Variants in DPP10 observed in about 807,000 individuals in gnomAD.
DPP10 encodes dipeptidyl peptidase like 10.
A neutral mutation model predicts 120.9 loss-of-function variants in DPP10; 33 were observed. That is an observed-to-expected ratio of 0.27 (90% CI 0.21 to 0.37). The LOEUF (loss-of-function observed/expected upper bound fraction) is 0.37, where lower values mean the gene tolerates loss of function less well. Among genes scored for constraint, DPP10 ranks in the 10% least tolerant of loss-of-function variants. DPP10 has a pLI of 1.00. For synonymous variants in DPP10, 337 were observed against 326.1 expected (o/e 1.03, Z -0.36); for missense variants, 816 against 942.8 (o/e 0.87, Z 1.76).
At chr2:115,208,709 G>A (rs2056318113) in intron 1 of DPP10, among the ~76,000 whole-genome samples, 1 of 152,090 alleles carries the variant, frequency 6.6e-6, no homozygotes, top group African/African-American at 2.4e-5. Flanking sequence ...TGGTGTTGGA[G>A]AAATGGACAA....
intron 5 of DPP10, among the ~76,000 whole-genome samples, chr2:115,670,489 C>G (rs570269603): frequency 1.9e-4 from 29 of 152,096 alleles, no homozygotes; most frequent in African/African-American, 7.0e-4. Flanking sequence ...AGCTTTTTAT[C>G]TTAGGTTCAG....
intron 1 of DPP10, among the ~76,000 whole-genome samples, chr2:114,598,959 T>C (rs1692146889): frequency 6.6e-6 from 1 of 151,898 alleles, no homozygotes; most frequent in Admixed American, 6.6e-5. Context: ...GATAAGAGAA[T>C]GGAAGCCAAT....
intron 1 of DPP10, among the ~76,000 whole-genome samples, chr2:114,646,151 C>G (rs1696108607): frequency 6.9e-6 from 1 of 145,336 alleles, no homozygotes; most frequent in African/African-American, 2.7e-5. Flanking sequence ...CAGAGCAAGC[C>G]TCAGTCTCAA....
chr2:114,513,634 A>AGAAG lies in DPP10; in HGVS notation c.60+70799_60+70800insGGAA, dbSNP rs534908866. ...GAAGGAAGGGAGGAAAAAGAAAGAA[A>AGAAG]GAAAGAAAGAAAGAAGAAACAGACA... On this transcript the variant is annotated intron_variant, in intron 1 of 25. Coordinates refer to ENST00000410059, the MANE Select transcript of DPP10 (RefSeq NM_020868.6). Among the ~76,000 whole-genome samples, 393 of 152,104 alleles carry AGAAG rather than the reference A, an allele frequency of 2.6e-3. 10 individuals are homozygous for AGAAG. Among genetic ancestry groups the AGAAG allele is most frequent in the Admixed American group, 0.023 (353 of 15,276 alleles).
intron 1 of DPP10, among the ~76,000 whole-genome samples, chr2:114,918,016 A>T (rs1389477290): frequency 2.0e-5 from 3 of 152,208 alleles, no homozygotes; most frequent in African/African-American, 4.8e-5. Flanking sequence ...CAGCATAAAC[A>T]ATCTACAGAA....
intron 5 of DPP10, among the ~76,000 whole-genome samples, chr2:115,648,724 G>A (rs187340471): frequency 1.3e-5 from 2 of 152,250 alleles, no homozygotes; most frequent in East Asian, 3.9e-4. Context: ...TCCCAAGGGA[G>A]GAAGGATAGG....
In DPP10 at chr2:114,481,512, CTT is replaced by C. The variant is rs1370166821; in HGVS notation, c.60+38676_60+38677del. On this transcript the variant is annotated intron_variant, in intron 1 of 25. Transcript: ENST00000410059. The stretch of plus-strand genomic sequence containing the variant: ...CCACCATATAACTAGCAATTGTACT[CTT>C]TGGCATTTATCCCAGAGAAATCAAA... Among the ~76,000 whole-genome samples the C allele has an allele frequency of 2.6e-5, 4 of 152,220 alleles. No homozygotes were observed. In the East Asian group the frequency reaches 5.8e-4, roughly 22 times the overall value.
At chr2:115,133,139 G>GTATA (rs2050450036) in intron 1 of DPP10, among the ~76,000 whole-genome samples, 2 of 67,290 alleles carry the variant, frequency 3.0e-5, no homozygotes, top group East Asian at 3.0e-4. Context: ...GTGTGTGTGT[G>GTATA]TGTGTGTATA....
At position 115,780,868 on chromosome 2, in the gene DPP10, C is replaced by T. The variant is rs765380131; in HGVS notation, c.1362-6C>T. ...TTCTATAATAACTTCCTTTTTCTTT[C>T]TCCAGTGCTTCTACTGAAGGATTAT... On this transcript the variant is annotated splice_polypyrimidine_tract_variant and splice_region_variant and intron_variant, in intron 15 of 25. Coordinates refer to ENST00000410059, the MANE Select transcript of DPP10 (RefSeq NM_020868.6). 4 of 1,596,114 alleles carry T rather than the reference C, an allele frequency of 2.5e-6. No individual in the cohort carries two copies. Among genetic ancestry groups the T allele is most frequent in the Non-Finnish European group, 2.6e-6 (3 of 1,169,914 alleles).
intron 1 of DPP10, among the ~76,000 whole-genome samples, chr2:114,802,259 G>A (rs557317138): frequency 2.0e-5 from 3 of 152,128 alleles, no homozygotes; most frequent in South Asian, 4.1e-4. Flanking sequence ...TAATGAGAGG[G>A]CAGGTATAAA....
chr2:115,256,594 T>C (rs2059009604), intron 1 of DPP10, among the ~76,000 whole-genome samples: 1 of 152,110 alleles, frequency 6.6e-6, no homozygotes, highest in Non-Finnish European at 1.5e-5. Context: ...GGCCAAAGGG[T>C]CTTTGATGGG....
At chr2:114,618,761 A>G (rs1693861824) in intron 1 of DPP10, among the ~76,000 whole-genome samples, 1 of 152,058 alleles carries the variant, frequency 6.6e-6, no homozygotes, top group African/African-American at 2.4e-5. Context: ...GAAGGGCATT[A>G]GGTAAATTTA....
chr2:115,649,308 T>G (rs1463222536), intron 5 of DPP10, among the ~76,000 whole-genome samples: 1 of 152,130 alleles, frequency 6.6e-6, no homozygotes, highest in African/African-American at 2.4e-5. Flanking sequence ...TCAACAGGAT[T>G]AAGTGACAAT....
chr2:114,956,859 T>G (rs371515923), intron 1 of DPP10, among the ~76,000 whole-genome samples: 41 of 152,042 alleles, frequency 2.7e-4, no homozygotes, highest in African/African-American at 9.6e-4. Flanking sequence ...GACAGTCTCT[T>G]CAATAACTGG....
At chr2:114,802,515 C>A (rs1001857698) in intron 1 of DPP10, among the ~76,000 whole-genome samples, 5 of 87,150 alleles carry the variant, frequency 5.7e-5, no homozygotes. Context: ...TCTGGAATAA[C>A]CCACAGACAT....
At chr2:115,274,947 G>A (rs542170179) in intron 1 of DPP10, among the ~76,000 whole-genome samples, 2 of 152,074 alleles carry the variant, frequency 1.3e-5, no homozygotes, top group Non-Finnish European at 2.9e-5. Context: ...CCTCGCACAG[G>A]GTTCTATTCA....
At chr2:115,346,038 T>G (rs1232574502) in intron 3 of DPP10, among the ~76,000 whole-genome samples, 1 of 152,328 alleles carries the variant, frequency 6.6e-6, no homozygotes, top group East Asian at 1.9e-4. Flanking sequence ...GCAGTCTTTA[T>G]AAATACCATT....
intron 5 of DPP10, among the ~76,000 whole-genome samples, chr2:115,583,038 C>T (rs368181715): frequency 1.3e-5 from 2 of 152,160 alleles, no homozygotes; most frequent in African/African-American, 2.4e-5. Context: ...AATAAGAAAG[C>T]CTTTGTAATG....
chr2:115,320,025 G>A (rs1359900890), intron 2 of DPP10, among the ~76,000 whole-genome samples: 1 of 151,994 alleles, frequency 6.6e-6, no homozygotes, highest in African/African-American at 2.4e-5. Flanking sequence ...ATTTGGAAGG[G>A]GAATATAATC....
Sources: allele counts gnomAD v4.1 joint callset (sites outside exome capture counted in the v4.1 genomes callset), GRCh38; gene constraint gnomAD v4.1.1; transcripts MANE v1.5; gene names NCBI Gene and HGNC (gene_info 2026-07-23, HGNC 2026-07-21).